Variants in POMGNT1 observed in about 807,000 individuals in gnomAD.
POMGNT1 encodes the protein protein O-linked-mannose beta-1,2-N-acetylglucosaminyltransferase 1.
A neutral mutation model predicts 95.6 loss-of-function variants in POMGNT1; 67 were observed. The observed-to-expected ratio is 0.70, with a 90% confidence interval of 0.58 to 0.86. The LOEUF (loss-of-function observed/expected upper bound fraction) is 0.86, where lower values mean the gene tolerates loss of function less well. Among genes scored for constraint, POMGNT1 ranks in the 40% least tolerant of loss-of-function variants. The pLI is 0.00. For missense variants in POMGNT1, 719 were observed against 855.2 expected, an observed-to-expected ratio of 0.84 and a Z score of 1.99; for synonymous variants, 298 against 317.9, an observed-to-expected ratio of 0.94 and a Z score of 0.66.
In POMGNT1 at chr1:46,207,172, C is replaced by T. The variant is rs543192917; in HGVS notation, c.-50-9301G>A. On this transcript the variant is annotated intron_variant, in intron 1 of 22. Coordinates refer to the POMGNT1 transcript ENST00000371992. ...GTCGGTTCACTGCAACCTCTGCCTT[C>T]CAAGCTCAAGCGGTTCTCCTGCCTC... 7.9e-5 allele frequency among the ~76,000 whole-genome samples: 12 copies of T among 152,132 alleles called. No homozygotes were observed. The East Asian group carries it at 2.3e-3, about 29-fold the overall frequency.
intron 1 of POMGNT1, chr1:46,198,130 C>T (rs1658383278): frequency 2.4e-6 from 1 of 410,612 alleles, no homozygotes; most frequent in Non-Finnish European, 4.5e-6. Context: ...GCTCAAAGTT[C>T]GTTAGCCCCT....
chr1:46,200,301 A>G (rs1227820666), upstream of POMGNT1, among the ~76,000 whole-genome samples: 1 of 152,214 alleles, frequency 6.6e-6, no homozygotes, highest in East Asian at 1.9e-4. Flanking sequence ...TAGATGCCCA[A>G]ACTGACATTG....
chr1:46,197,654 A>T, intron 2 of POMGNT1, 48 bp downstream of exon 2: 1 of 1,611,816 alleles, frequency 6.2e-7, no homozygotes, highest in African/African-American at 1.3e-5. Context: ...GGTGGGGAGG[A>T]AGCTGGGAGG....
chr1:46,192,438 T>C lies in POMGNT1; in HGVS notation c.1285-2A>G, dbSNP rs386834012. 6.2e-7 allele frequency: 1 copy of C among 1,614,026 alleles called. No homozygotes were observed. Among genetic ancestry groups the C allele is most frequent in the Non-Finnish European group, 8.5e-7 (1 of 1,180,030 alleles). ...GTCCTCAGCCGTGTGTTCATACCCC[T>C]GGGGACAGGGTGCCATAGTGGGAGG... On this transcript the variant is annotated splice_acceptor_variant, in intron 15 of 21. Transcript: ENST00000371984. LOFTEE classifies it high-confidence loss of function.
At chr1:46,207,898 G>A (rs1293523107) in intron 1 of POMGNT1, among the ~76,000 whole-genome samples, 5 of 147,682 alleles carry the variant, frequency 3.4e-5, no homozygotes, top group Admixed American at 6.8e-5. Flanking sequence ...ACGGAGTTTC[G>A]TTCTTGGCGT....
intron 1 of POMGNT1, among the ~76,000 whole-genome samples, chr1:46,217,437 A>G (rs1243852528): frequency 3.3e-5 from 5 of 152,256 alleles, no homozygotes; most frequent in Non-Finnish European, 7.3e-5. Flanking sequence ...AGTAAACTAC[A>G]TGGCTTAGCT....
Position 46,194,843 on chromosome 1 carries a change from C to A in POMGNT1, c.652+1G>T, listed in dbSNP as rs386834035. On this transcript the variant is annotated splice_donor_variant, in intron 7 of 21. Coordinates refer to ENST00000371984, the MANE Select transcript of POMGNT1 (RefSeq NM_017739.4). LOFTEE classifies it high-confidence loss of function. ...GAGTGGATGGCCTCTGATGCCGGCA[C>A]CTCCTTTTCGTCCCACGAAGGCCCA... 9 of 1,614,038 alleles carry A rather than the reference C, an allele frequency of 5.6e-6. No individual in the cohort carries two copies. The highest frequency in any genetic ancestry group is 1.3e-5 in the African/African-American group (1 of 74,930).
In POMGNT1 at chr1:46,195,908, T is replaced by C; in HGVS notation, c.437A>G (p.Lys146Arg). Residue 146 changes from lysine (K) to arginine (R), a missense_variant, in exon 6 of 22, where the codon AAA becomes AGA. Transcript: ENST00000371984. ...AGGTGAGTACGTGTCAAACACACGTTTTGCCATCACGTGGCCCTGGCAGGG... is the reference window on the plus strand; with the variant it reads ...AGGTGAGTACGTGTCAAACACACGTCTTGCCATCACGTGGCCCTGGCAGGG... Reference protein sequence around the residue: ...LNQATGHVMAKRVFDTYSPHE... With the variant: ...LNQATGHVMARRVFDTYSPHE... The C allele has an allele frequency of 6.2e-7, 1 of 1,614,044 alleles. No individual in the cohort carries two copies. Among genetic ancestry groups the C allele is most frequent in the Non-Finnish European group, 8.5e-7 (1 of 1,179,980 alleles).
In POMGNT1 at chr1:46,196,746, TG is replaced by T; in HGVS notation, c.338del (p.Ala113GlufsTer31). On this transcript the variant is annotated frameshift_variant, in exon 4 of 22. Coordinates refer to ENST00000371984, the MANE Select transcript of POMGNT1 (RefSeq NM_017739.4). LOFTEE classifies it high-confidence loss of function. This position sits in a 1 kb window ranked among gnomAD's most constrained non-coding sequence, Gnocchi z 4.4. ...VYSSRSKVYVAVDGTTVLEDE... is the reference protein window; with the variant it reads ...VYSSRSKVYVXVDGTTVLEDE... ...GCCCACTGACCGTGGTGCCATCCAC[TG>T]CCACATATACTTTGCTGCGACTTGA... 6.2e-7 allele frequency: 1 copy of T among 1,614,194 alleles called. No homozygotes were observed.
chr1:46,192,293 T>G lies in POMGNT1; in HGVS notation c.1413+15A>C, dbSNP rs369030460. On this transcript the variant is annotated intron_variant, in intron 16 of 21. Transcript: ENST00000371984. ...GTAGGGGACTCCAGCCCCCTCACCC[T>G]ACCCTGACAGTTACCTTTTCCGGTG... 4.3e-6 allele frequency: 7 copies of G among 1,614,048 alleles called. No homozygotes were observed. Among genetic ancestry groups the G allele is most frequent in the Non-Finnish European group, 5.9e-6 (7 of 1,180,022 alleles).
chr1:46,190,915 C>T (rs981867599), intron 17 of POMGNT1, 131 bp from the exon 18 acceptor site: 4 of 843,848 alleles, frequency 4.7e-6, no homozygotes, highest in South Asian at 4.2e-5. Context: ...AATTTCCCAC[C>T]GTCTTCTCCA....
chr1:46,209,600 A>G (rs1477978140), intron 1 of POMGNT1, among the ~76,000 whole-genome samples: 4 of 144,132 alleles, frequency 2.8e-5, no homozygotes, highest in Non-Finnish European at 6.0e-5. Context: ...GCTAGAGTGC[A>G]GTGGCCCAAT....
chr1:46,204,604 A>ACCAG (rs1013145206), intron 1 of POMGNT1, among the ~76,000 whole-genome samples: 1 of 152,182 alleles, frequency 6.6e-6, no homozygotes, highest in Non-Finnish European at 1.5e-5. Context: ...GGGCTCTGAG[A>ACCAG]CCAGCCAGGG....
rs1033929517 is a variant in POMGNT1, at chr1:46,196,588, T to C, written c.354+143A>G. Reference sequence around the variant, plus strand: ...AGTAGAAATCATTAGTCCCAGTCTATAGATAAGGAATCGAGGACTCCAAAG... The same window carrying C: ...AGTAGAAATCATTAGTCCCAGTCTACAGATAAGGAATCGAGGACTCCAAAG... On this transcript the variant is annotated intron_variant, in intron 4 of 21. Coordinates refer to ENST00000371984, the MANE Select transcript of POMGNT1 (RefSeq NM_017739.4). The surrounding 1 kb of genome is among the most constrained non-coding windows in gnomAD (Gnocchi z 4.4). The C allele has an allele frequency of 2.8e-5, 42 of 1,506,058 alleles. No homozygotes were observed. The African/African-American group carries it at 5.6e-4, about 20-fold the overall frequency. 93.3% of individuals were successfully genotyped at this position (1,506,058 alleles called of 1,614,324 possible).
intron 1 of POMGNT1, among the ~76,000 whole-genome samples, chr1:46,208,801 A>G (rs940051752): frequency 2.6e-5 from 4 of 152,152 alleles, no homozygotes; most frequent in African/African-American, 9.6e-5. Flanking sequence ...AGATCGTGCC[A>G]CTGCACTCCA....
chr1:46,201,179 A>G (rs1160771969), upstream of POMGNT1, among the ~76,000 whole-genome samples: 2 of 151,508 alleles, frequency 1.3e-5, no homozygotes, highest in African/African-American at 4.9e-5. Context: ...AAACCCTTCC[A>G]TGGATCAAAA....
At chr1:46,220,151 G>A (rs757214874) in exon 1 of POMGNT1, 1 of 1,614,182 alleles carries the variant, frequency 6.2e-7, no homozygotes, top group Non-Finnish European at 8.5e-7. Context: ...CAGAGGATGA[G>A]AGTGCCAAGC....
chr1:46,195,112 A>C (rs1348283504), intron 6 of POMGNT1, 151 bp from the exon 7 acceptor site: 2 of 758,056 alleles, frequency 2.6e-6, no homozygotes, highest in Non-Finnish European at 4.6e-6. Flanking sequence ...CACAGATAAA[A>C]TAATAACTGA....
In POMGNT1 at chr1:46,193,194, C is replaced by T; in HGVS notation, c.1132G>A (p.Ala378Thr). The part of the protein sequence containing the change: ...VSQHYKASLT[A>T]TFNLFPEAKF... ...CTCACCGGAAACAGGTTGAAAGTGG[C>T]AGTGAGGCTGGCCTTGTAGTGCTGG... Residue 378 changes from alanine to threonine, a missense_variant, in exon 13 of 22, where the codon GCC becomes ACC. By Grantham distance (58) the Ala-to-Thr change is moderately conservative (BLOSUM62 0). This residue lies in a region of POMGNT1 where 466 missense variants were observed against 517.4 expected (regional missense o/e 0.90). Transcript: ENST00000371984. 1 of 1,614,194 alleles carries T rather than the reference C, an allele frequency of 6.2e-7. No individual in the cohort carries two copies. The highest frequency in any genetic ancestry group is 1.1e-5 in the South Asian group (1 of 91,082).
Sources: gnomAD v4.1 joint callset for allele counts (sites outside exome capture counted in the v4.1 genomes callset) on GRCh38, gnomAD v4.1.1 for gene constraint, gnomAD v4.1.1 regional missense constraint, Gnocchi (gnomAD v3.1) non-coding constraint, MANE v1.5 for transcripts, NCBI Gene and HGNC (gene_info 2026-07-23, HGNC 2026-07-21) for gene names.